SEMA6D: variants seen among roughly 807,000 people sequenced by gnomAD.
SEMA6D encodes the protein semaphorin-6D.
In SEMA6D, 35 loss-of-function variants were observed where a neutral mutation model predicts 106.6. The observed-to-expected ratio is 0.33, with a 90% confidence interval of 0.25 to 0.44. The LOEUF is 0.44. Among genes scored for constraint, SEMA6D ranks in the 20% least tolerant of loss-of-function variants. SEMA6D has a pLI of 1.00. For synonymous variants in SEMA6D, 499 were observed against 487.7 expected (o/e 1.02, Z -0.31); for missense variants, 1,185 against 1,345.9 (o/e 0.88, Z 1.87).
intron 3 of SEMA6D, among the ~76,000 whole-genome samples, chr15:47,599,940 C>A (rs1256423766): frequency 6.6e-6 from 1 of 151,644 alleles, no homozygotes; most frequent in African/African-American, 2.4e-5. Flanking sequence ...AGTCTTTCAC[C>A]TTAAGGAGAG....
chr15:47,506,467 C>G (rs1219060311), intron 3 of SEMA6D, among the ~76,000 whole-genome samples: 6 of 152,020 alleles, frequency 3.9e-5, no homozygotes, highest in African/African-American at 1.5e-4. Context: ...GGCAGGATAC[C>G]AAAATATGGA....
chr15:47,550,187 G>C (rs1366155887), intron 3 of SEMA6D, among the ~76,000 whole-genome samples: 1 of 152,080 alleles, frequency 6.6e-6, no homozygotes, highest in Non-Finnish European at 1.5e-5. Flanking sequence ...TTAGAATTAG[G>C]GTTTCCTTTA....
intron 1 of SEMA6D, among the ~76,000 whole-genome samples, chr15:47,185,989 AATAT>A (rs1893540019): frequency 6.6e-6 from 1 of 152,090 alleles, no homozygotes; most frequent in Non-Finnish European, 1.5e-5. Context: ...TGTATATATA[AATAT>A]ATATGTACAA....
chr15:47,481,447 A>G (rs2043150712), intron 3 of SEMA6D, among the ~76,000 whole-genome samples: 1 of 152,174 alleles, frequency 6.6e-6, no homozygotes, highest in African/African-American at 2.4e-5. Flanking sequence ...ATGCTTTTTT[A>G]GACACCTGAA....
chr15:47,536,707 A>G (rs778068764), intron 3 of SEMA6D, among the ~76,000 whole-genome samples: 4 of 152,224 alleles, frequency 2.6e-5, no homozygotes, highest in Non-Finnish European at 5.9e-5. Context: ...ACAATCAGCT[A>G]TTCCATATCC....
intron 4 of SEMA6D, among the ~76,000 whole-genome samples, chr15:47,604,967 A>G (rs942261609): frequency 5.9e-5 from 9 of 151,846 alleles, no homozygotes; most frequent in African/African-American, 2.2e-4. Context: ...CAGCCTCCCA[A>G]AGTGCTGGGA....
At chr15:47,622,710 G>A (rs1334507009) in intron 4 of SEMA6D, among the ~76,000 whole-genome samples, 1 of 152,152 alleles carries the variant, frequency 6.6e-6, no homozygotes, top group East Asian at 1.9e-4. Context: ...CCTAGCTCAA[G>A]CATGATCCCC....
At chr15:47,408,925 G>A (rs544565049) in intron 1 of SEMA6D, among the ~76,000 whole-genome samples, 2 of 152,246 alleles carry the variant, frequency 1.3e-5, no homozygotes, top group Admixed American at 6.5e-5. Flanking sequence ...GTTCCCCACT[G>A]GACACTCATC....
At chr15:47,456,307 A>G (rs1471276040) in intron 2 of SEMA6D, among the ~76,000 whole-genome samples, 1 of 152,002 alleles carries the variant, frequency 6.6e-6, no homozygotes, top group African/African-American at 2.4e-5. Flanking sequence ...TATAAGAAAA[A>G]TGAATCTTTA....
At chr15:47,750,295 A>G (rs2081358970) in intron 1 of SEMA6D, among the ~76,000 whole-genome samples, 1 of 152,182 alleles carries the variant, frequency 6.6e-6, no homozygotes. Context: ...ATAGGGAAGT[A>G]GGAATCCCTC....
chr15:47,440,397 A>G (rs2041846571), intron 2 of SEMA6D, among the ~76,000 whole-genome samples: 1 of 152,038 alleles, frequency 6.6e-6, no homozygotes, highest in South Asian at 2.1e-4. Context: ...AGTTATTGGC[A>G]AGAAATCTGT....
At chr15:47,474,612 A>G (rs949372029) in intron 3 of SEMA6D, among the ~76,000 whole-genome samples, 2 of 152,204 alleles carry the variant, frequency 1.3e-5, no homozygotes, top group Non-Finnish European at 2.9e-5. Context: ...TCTAGTAGGT[A>G]CTGACTTATT....
chr15:47,286,532 AT>A (rs978867667), intron 1 of SEMA6D, among the ~76,000 whole-genome samples: 8 of 151,946 alleles, frequency 5.3e-5, no homozygotes, highest in African/African-American at 1.9e-4. Flanking sequence ...TTGTTTTACA[AT>A]TTTTTTTGCA....
At chr15:47,552,897 T>TATATATTTATATATATATAA (rs1566883124) in intron 3 of SEMA6D, among the ~76,000 whole-genome samples, 1 of 86,296 alleles carries the variant, frequency 1.2e-5, no homozygotes, top group African/African-American at 4.2e-5. Context: ...TATAAATATA[T>TATATATTTATATATATATAA]ATATATATAA....
intron 3 of SEMA6D, among the ~76,000 whole-genome samples, chr15:47,475,248 G>T (rs985705314): frequency 6.6e-6 from 1 of 152,156 alleles, no homozygotes; most frequent in Non-Finnish European, 1.5e-5. Context: ...CCCTGTTTGT[G>T]TGCCAGGCAT....
chr15:47,701,707 T>G (rs2078815583), intron 4 of SEMA6D, among the ~76,000 whole-genome samples: 1 of 152,186 alleles, frequency 6.6e-6, no homozygotes, highest in South Asian at 2.1e-4. Context: ...AAAGTAGAAA[T>G]ATGTAATGTA....
At chr15:47,443,764 A>G (rs2041948662) in intron 2 of SEMA6D, among the ~76,000 whole-genome samples, 1 of 152,172 alleles carries the variant, frequency 6.6e-6, no homozygotes, top group Non-Finnish European at 1.5e-5. Flanking sequence ...TACAGTTACC[A>G]AACTTCAGCA....
intron 4 of SEMA6D, among the ~76,000 whole-genome samples, chr15:47,642,330 G>A (rs1300921623): frequency 6.6e-6 from 1 of 152,094 alleles, no homozygotes; most frequent in Non-Finnish European, 1.5e-5. Context: ...AGTAAACTGG[G>A]GTGCAGAGAT....
intron 1 of SEMA6D, among the ~76,000 whole-genome samples, chr15:47,357,142 G>A (rs966759175): frequency 3.3e-5 from 5 of 151,976 alleles, no homozygotes; most frequent in African/African-American, 1.2e-4. Flanking sequence ...AGACCATCCT[G>A]GCTAACATGG....
Sources: gnomAD v4.1 joint callset for allele counts (sites outside exome capture counted in the v4.1 genomes callset) on GRCh38, gnomAD v4.1.1 for gene constraint, MANE v1.5 for transcripts, NCBI Gene and HGNC (gene_info 2026-07-23, HGNC 2026-07-21) for gene names.